The following PDE10A variants were observed in gnomAD, a reference collection of about 807,000 sequenced individuals.
The protein encoded by PDE10A is phosphodiesterase 10A.
In PDE10A, 39 loss-of-function variants were observed where a neutral mutation model predicts 97.7. The ratio of observed to expected loss-of-function variants is 0.40; its 90% CI spans 0.31 to 0.52. The LOEUF is 0.52. Among genes scored for constraint, PDE10A ranks in the 20% least tolerant of loss-of-function variants. The pLI is 0.56. For synonymous variants in PDE10A, 371 were observed against 376.8 expected (o/e 0.98, Z 0.18); for missense variants, 731 against 1,047.8 (o/e 0.70, Z 4.17).
chr6:165,871,084 G>A (rs556668977), intron 1 of PDE10A, among the ~76,000 whole-genome samples: 1 of 152,306 alleles, frequency 6.6e-6, no homozygotes, highest in South Asian at 2.1e-4. Flanking sequence ...AAACTAGCTA[G>A]AAGAGAAGAT....
At chr6:165,416,107 C>T (rs1788291496) in intron 12 of PDE10A, 82 bp downstream of exon 12, 7 of 892,116 alleles carry the variant, frequency 7.8e-6, no homozygotes, top group African/African-American at 1.7e-5. Flanking sequence ...ACGTGGAGAA[C>T]TCAGGCTCCA....
At chr6:165,779,162 G>C (rs1316107486) in intron 1 of PDE10A, among the ~76,000 whole-genome samples, 4 of 152,124 alleles carry the variant, frequency 2.6e-5, no homozygotes, top group Non-Finnish European at 5.9e-5. Flanking sequence ...AAACTATTAG[G>C]AATTGATGGT....
intron 1 of PDE10A, among the ~76,000 whole-genome samples, chr6:165,622,649 T>C (rs1583664966): frequency 1.3e-5 from 2 of 152,342 alleles, no homozygotes; most frequent in South Asian, 2.1e-4. Context: ...TGATTGTGTA[T>C]GTAGACATGC....
At chr6:165,846,237 G>A (rs1293329672) in intron 1 of PDE10A, among the ~76,000 whole-genome samples, 1 of 152,208 alleles carries the variant, frequency 6.6e-6, no homozygotes, top group Admixed American at 6.5e-5. Context: ...CTGTGGAATA[G>A]GGGCCATGAG....
chr6:165,786,257 T>C (rs1199166395), intron 1 of PDE10A, among the ~76,000 whole-genome samples: 1 of 152,152 alleles, frequency 6.6e-6, no homozygotes, highest in Non-Finnish European at 1.5e-5. Flanking sequence ...ACTGTGAGTG[T>C]CCCAGAAGTT....
chr6:165,892,070 A>G (rs1182878012), intron 1 of PDE10A, among the ~76,000 whole-genome samples: 1 of 152,094 alleles, frequency 6.6e-6, no homozygotes, highest in Non-Finnish European at 1.5e-5. Context: ...AATATCCATG[A>G]GGCGGGTGAA....
In PDE10A at chr6:165,567,993, C is replaced by CCTTTTTTTTTTTTTTT. The variant is rs370865492; in HGVS notation, c.866-24426_866-24425insAAAAAAAAAAAAAAAG. 5.2e-5 allele frequency among the ~76,000 whole-genome samples: 6 copies of CCTTTTTTTTTTTTTTT among 115,600 alleles called. 2 individuals are homozygous for CCTTTTTTTTTTTTTTT. The highest frequency in any genetic ancestry group is 1.3e-4 in the African/African-American group (4 of 31,254). The allele number at this position is 115,600 out of a possible 152,430, so 75.8% of individuals were successfully genotyped here. A position where few individuals can be genotyped will look rare whatever the true frequency, so the allele number is the denominator to read the frequency against. The stretch of plus-strand genomic sequence containing the variant: ...AGCACACAATAGGTACGCAACAAGG[C>CCTTTTTTTTTTTTTTT]ATTTTTTTTTTTTTTTTTTTTTTGA... On this transcript the variant is annotated intron_variant, in intron 1 of 21. Coordinates refer to ENST00000539869, the MANE Select transcript of PDE10A (RefSeq NM_001385079.1).
intron 18 of PDE10A, among the ~76,000 whole-genome samples, chr6:165,349,991 A>C (rs1782590563): frequency 6.6e-6 from 1 of 152,240 alleles, no homozygotes; most frequent in South Asian, 2.1e-4. Context: ...GCCCTCATGG[A>C]GAACCCTGCT....
intron 1 of PDE10A, among the ~76,000 whole-genome samples, chr6:165,707,671 G>A (rs1332491482): frequency 2.6e-5 from 4 of 151,982 alleles, no homozygotes; most frequent in Non-Finnish European, 4.4e-5. Flanking sequence ...GCGTGTGTGT[G>A]TAAGCGTATG....
chr6:165,668,003 T>G (rs1443716659), upstream of PDE10A, among the ~76,000 whole-genome samples: 1 of 152,238 alleles, frequency 6.6e-6, no homozygotes, highest in Non-Finnish European at 1.5e-5. Flanking sequence ...TAAAAACAGA[T>G]GCAAGTTAGA....
At chr6:165,896,871 T>A (rs6909310) in intron 1 of PDE10A, among the ~76,000 whole-genome samples, 70,104 of 151,422 alleles carry the variant, frequency 0.46, 16,430 homozygotes, top group East Asian at 0.66. Flanking sequence ...GGTTTCACCA[T>A]GTCGGTCAGG....
chr6:165,710,054 G>C (rs750763950), intron 1 of PDE10A, among the ~76,000 whole-genome samples: 10 of 151,966 alleles, frequency 6.6e-5, no homozygotes, highest in Non-Finnish European at 1.3e-4. Flanking sequence ...ACTCAGACCT[G>C]CCTCAGTGCC....
intron 1 of PDE10A, among the ~76,000 whole-genome samples, chr6:165,718,497 C>T (rs982875950): frequency 4.6e-5 from 7 of 152,134 alleles, no homozygotes; most frequent in Non-Finnish European, 7.4e-5. Flanking sequence ...GTGTAGTGAA[C>T]GGACAAGGGT....
At chr6:165,743,714 T>C (rs546711497) in intron 1 of PDE10A, among the ~76,000 whole-genome samples, 1 of 152,350 alleles carries the variant, frequency 6.6e-6, no homozygotes, top group Admixed American at 6.5e-5. Flanking sequence ...CATAGATTCA[T>C]GTACTGCATT....
At chr6:165,596,848 TCTC>T (rs1435523562) in intron 1 of PDE10A, among the ~76,000 whole-genome samples, 10 of 152,094 alleles carry the variant, frequency 6.6e-5, no homozygotes, top group African/African-American at 2.4e-4. Context: ...AGAACGTTGC[TCTC>T]CTCCTCTACT....
At chr6:165,841,395 G>A (rs1040837738) in intron 1 of PDE10A, among the ~76,000 whole-genome samples, 22 of 152,166 alleles carry the variant, frequency 1.4e-4, no homozygotes, top group Non-Finnish European at 7.3e-5. Context: ...GGTTTTTCTC[G>A]CTTGCTGGCT....
rs187576555 is a variant in PDE10A at position 165,366,226 on chromosome 6, G to A, written c.2783+12968C>T. 2.9e-3 allele frequency among the ~76,000 whole-genome samples: 444 copies of A among 152,262 alleles called. 1 individual carries two copies. Among genetic ancestry groups the A allele is most frequent in the Non-Finnish European group, 4.6e-3 (316 of 68,008 alleles). On this transcript the variant is annotated intron_variant, in intron 18 of 21. Transcript: ENST00000539869. ...GTCATGCACATATTAGAATGTGCTT[G>A]CTTTCTTCACAATAAGCTAATATTG...
intron 1 of PDE10A, among the ~76,000 whole-genome samples, chr6:165,928,707 T>C (rs1392264375): frequency 2.0e-5 from 3 of 151,976 alleles, no homozygotes; most frequent in Admixed American, 6.6e-5. Flanking sequence ...TCTGGAGCAC[T>C]CCCTCACATC....
chr6:165,332,978 C>T lies in PDE10A; in HGVS notation c.*47G>A. ...AAAAAGGAAAAGAATGTCAAAGAAG[C>T]AAGATGAGGATCTGTAGGTGGGACA... On this transcript the variant is annotated 3_prime_UTR_variant, in exon 22 of 22. Transcript: ENST00000539869. 1 of 888,972 alleles carries T rather than the reference C, an allele frequency of 1.1e-6. No individual in the cohort carries two copies. Among genetic ancestry groups the T allele is most frequent in the Non-Finnish European group, 1.8e-6 (1 of 568,358 alleles). The allele number at this position is 888,972 out of a possible 1,614,324, so 55.1% of individuals were successfully genotyped here.
Sources: allele counts gnomAD v4.1 joint callset (sites outside exome capture counted in the v4.1 genomes callset), GRCh38; gene constraint gnomAD v4.1.1; transcripts MANE v1.5; gene names NCBI Gene and HGNC (gene_info 2026-07-23, HGNC 2026-07-21).